Variants in BRAP observed in about 807,000 individuals in gnomAD.
The protein encoded by BRAP is BRCA1 associated protein.
BRAP carries 42 observed loss-of-function variants against 73.4 expected under a neutral mutation model. The observed-to-expected ratio is 0.57, with a 90% CI of 0.45 to 0.74. The LOEUF (loss-of-function observed/expected upper bound fraction) is 0.74, where lower values mean the gene tolerates loss of function less well. Ranked by LOEUF, BRAP falls within the 30% of genes least tolerant of loss-of-function variation. BRAP has a pLI of 0.00. For synonymous variants in BRAP, 255 were observed against 267.4 expected (o/e 0.95, Z 0.45); for missense variants, 593 against 751.4 (o/e 0.79, Z 2.46).
intron 4 of BRAP, among the ~76,000 whole-genome samples, chr12:111,676,777 C>G (rs925252874): frequency 6.6e-6 from 1 of 152,088 alleles, no homozygotes; most frequent in Non-Finnish European, 1.5e-5. Flanking sequence ...GCACAGGGTC[C>G]GGTCTCTAGT....
chr12:111,645,592 A>AG (rs1886081648), intron 11 of BRAP, among the ~76,000 whole-genome samples: 2 of 152,180 alleles, frequency 1.3e-5, no homozygotes, highest in Non-Finnish European at 2.9e-5. Context: ...GGGGAAAAAA[A>AG]GGGCACTTAT....
intron 5 of BRAP, among the ~76,000 whole-genome samples, chr12:111,671,406 C>G (rs1887164649): frequency 6.6e-6 from 1 of 151,990 alleles, no homozygotes; most frequent in Admixed American, 6.6e-5. Context: ...AAAAATTAGC[C>G]TGGCATAGTG....
At position 111,685,768 on chromosome 12, in the gene BRAP, G is replaced by A; in HGVS notation, c.25C>T (p.Arg9Ter). The change falls in exon 1 of 12, where the codon CGA (arginine) becomes TGA (stop). Residue 9 changes from arginine (R) to a stop codon, truncating the protein, a stop_gained. Coordinates refer to ENST00000419234, the MANE Select transcript of BRAP (RefSeq NM_006768.5). LOFTEE classifies it high-confidence loss of function. MSVSLVVI[R>*]LELAEHSPVP... Reference sequence around the variant, plus strand: ...GGCGAGTGTTCCGCGAGCTCCAATCGGATAACAACCAGTGACACACTCATA... The same window carrying A: ...GGCGAGTGTTCCGCGAGCTCCAATCAGATAACAACCAGTGACACACTCATA... The A allele has an allele frequency of 1.9e-6, 3 of 1,610,118 alleles. No individual in the cohort carries two copies. Among genetic ancestry groups the A allele is most frequent in the Non-Finnish European group, 2.5e-6 (3 of 1,178,702 alleles).
At position 111,644,279 on chromosome 12, in the gene BRAP, C is replaced by T; in HGVS notation, c.1699G>A (p.Ala567Thr). ...IQEGQINIAM[A>T]SASSPASSGG... ...GAAGAGGCAGGGCTCGAGGCCGAGG[C>T]CATGGCGATGTTGATCTGTCCCTCC... Residue 567 changes from alanine (A) to threonine (T), a missense_variant, in exon 12 of 12, where the codon GCC (alanine) becomes ACC (threonine). By Grantham distance (58) the Ala-to-Thr change is moderately conservative. Transcript: ENST00000419234. The T allele has an allele frequency of 1.2e-6, 2 of 1,614,138 alleles. No individual in the cohort carries two copies. Among genetic ancestry groups the T allele is most frequent in the Non-Finnish European group, 1.7e-6 (2 of 1,180,044 alleles).
intron 10 of BRAP, among the ~76,000 whole-genome samples, 166 bp downstream of exon 10, chr12:111,655,400 T>C (rs1886490146): frequency 6.6e-6 from 1 of 151,806 alleles, no homozygotes. Context: ...GTCAAGCCTT[T>C]AAATCCAAAG....
chr12:111,667,850 A>G (rs1445772418), intron 5 of BRAP, among the ~76,000 whole-genome samples: 3 of 152,020 alleles, frequency 2.0e-5, no homozygotes, highest in Non-Finnish European at 4.4e-5. Flanking sequence ...AGTATCTAAA[A>G]TGTGCTTTTT....
At chr12:111,647,721 C>A (rs1308075068) in intron 11 of BRAP, among the ~76,000 whole-genome samples, 1 of 151,932 alleles carries the variant, frequency 6.6e-6, no homozygotes, top group Admixed American at 6.6e-5. Flanking sequence ...CATGGAGAAA[C>A]CCTGTTTCTA....
chr12:111,671,854 T>C (rs1887187784), intron 5 of BRAP, among the ~76,000 whole-genome samples: 1 of 151,758 alleles, frequency 6.6e-6, no homozygotes, highest in Admixed American at 6.6e-5. Context: ...CCTGGCTAAT[T>C]TTTGTATTTT....
In BRAP at chr12:111,685,873, C is replaced by A. The variant is rs1887817746; in HGVS notation, c.-81G>T. On this transcript the variant is annotated 5_prime_UTR_variant, in exon 1 of 12. Coordinates refer to ENST00000419234, the MANE Select transcript of BRAP (RefSeq NM_006768.5). ...AGCCGAGAGGCCGAGCGGCCCGGGG[C>A]CGGCAGCGCCGCCACCACCTCAATG... 1.0e-6 allele frequency: 1 copy of A among 1,000,630 alleles called. No homozygotes were observed. Among genetic ancestry groups the A allele is most frequent in the African/African-American group, 1.7e-5 (1 of 57,804 alleles). The allele number at this position is 1,000,630 out of a possible 1,614,324, so 62.0% of individuals were successfully genotyped here.
chr12:111,654,177 C>A (rs548822140), intron 10 of BRAP, among the ~76,000 whole-genome samples: 2 of 152,312 alleles, frequency 1.3e-5, no homozygotes, highest in South Asian at 4.1e-4. Flanking sequence ...GTCCTCCCTG[C>A]ACATACTCTA....
At chr12:111,680,686 T>C (rs1887565396) in intron 3 of BRAP, among the ~76,000 whole-genome samples, 2 of 151,174 alleles carry the variant, frequency 1.3e-5, no homozygotes, top group Admixed American at 6.6e-5. Context: ...AGTGAGACCC[T>C]GTCTCAAAAA....
At chr12:111,661,348 C>T (rs1427058488) in intron 6 of BRAP, among the ~76,000 whole-genome samples, 2 of 148,474 alleles carry the variant, frequency 1.3e-5, no homozygotes, top group Non-Finnish European at 3.0e-5. Flanking sequence ...GGCATAGTAT[C>T]AGCTCACTGC....
At chr12:111,657,043 A>C (rs567249682) in intron 9 of BRAP, among the ~76,000 whole-genome samples, 17 of 151,714 alleles carry the variant, frequency 1.1e-4, no homozygotes, top group Non-Finnish European at 1.9e-4. Context: ...CTGGCCAATA[A>C]ATATTCCTTT....
chr12:111,659,709 C>A (rs1181931559), intron 7 of BRAP, among the ~76,000 whole-genome samples: 2 of 151,708 alleles, frequency 1.3e-5, no homozygotes, highest in Admixed American at 6.6e-5. Flanking sequence ...GGGAAGGAAC[C>A]TGAGACACTA....
At chr12:111,683,794 G>A (rs919589966) in intron 1 of BRAP, among the ~76,000 whole-genome samples, 1 of 152,082 alleles carries the variant, frequency 6.6e-6, no homozygotes. Context: ...CACCCGCCTT[G>A]ACCTCCCAAA....
At chr12:111,658,526 G>A (rs951051028) in intron 9 of BRAP, among the ~76,000 whole-genome samples, 9 of 151,744 alleles carry the variant, frequency 5.9e-5, no homozygotes, top group African/African-American at 9.7e-5. Context: ...AGGGTTTCAC[G>A]TTAGCCAGGC....
chr12:111,679,768 T>C (rs1021005784), intron 3 of BRAP, among the ~76,000 whole-genome samples: 1 of 150,510 alleles, frequency 6.6e-6, no homozygotes, highest in African/African-American at 2.4e-5. Context: ...TCCCAGCTAC[T>C]TGGGAGGCTG....
chr12:111,656,418 C>G (rs1171139899), intron 9 of BRAP, among the ~76,000 whole-genome samples: 2 of 152,172 alleles, frequency 1.3e-5, no homozygotes, highest in Non-Finnish European at 2.9e-5. Flanking sequence ...ATGAGTAACA[C>G]TAATGAGGCT....
chr12:111,645,827 C>CA (rs1419955789), intron 11 of BRAP, among the ~76,000 whole-genome samples: 7 of 151,840 alleles, frequency 4.6e-5, no homozygotes, highest in African/African-American at 1.7e-4. Flanking sequence ...TGTCTCTACA[C>CA]AAAATCAAAA....
Sources: allele counts gnomAD v4.1 joint callset (sites outside exome capture counted in the v4.1 genomes callset), GRCh38; gene constraint gnomAD v4.1.1; transcripts MANE v1.5; gene names NCBI Gene and HGNC (gene_info 2026-07-23, HGNC 2026-07-21).